UBE4B: variants seen among roughly 807,000 people sequenced by gnomAD.
The protein encoded by UBE4B is ubiquitin conjugation factor E4 B.
In UBE4B, 27 loss-of-function variants were observed where a neutral mutation model predicts 148.1. The ratio of observed to expected loss-of-function variants is 0.18; its 90% CI spans 0.13 to 0.25. The LOEUF (loss-of-function observed/expected upper bound fraction) is 0.25, where lower values mean the gene tolerates loss of function less well. Ranked by LOEUF, UBE4B falls within the 10% of genes least tolerant of loss-of-function variation. The pLI is 1.00. For missense variants in UBE4B, 1,170 were observed against 1,662.4 expected (o/e 0.70, Z 5.15); for synonymous variants, 596 against 619.3 (o/e 0.96, Z 0.56).
chr1:10,061,753 C>T (rs1219310116), intron 1 of UBE4B, among the ~76,000 whole-genome samples: 1 of 152,104 alleles, frequency 6.6e-6, no homozygotes, highest in Non-Finnish European at 1.5e-5. Flanking sequence ...AAAGCTGATG[C>T]TTGGATCTCT....
Position 10,106,310 on chromosome 1 carries a change from C to A in UBE4B, c.923C>A (p.Thr308Asn). The change falls in exon 7 of 28, where the codon ACT becomes AAT. Residue 308 changes from threonine (T) to asparagine (N), a missense_variant. Thr to Asn is a moderately conservative substitution (Grantham distance 65). Transcript: ENST00000343090. This position sits in a 1 kb window ranked among gnomAD's most constrained non-coding sequence, Gnocchi z 4.2. ...RAASQLAVPS[T>N]PLSPHSAASG... Reference sequence around the variant, plus strand: ...GCCAGCCAGTTGGCTGTGCCTTCCACTCCCCTCAGTCCTCACAGTGCAGCC... The same window carrying A: ...GCCAGCCAGTTGGCTGTGCCTTCCAATCCCCTCAGTCCTCACAGTGCAGCC... The A allele has an allele frequency of 6.2e-7, 1 of 1,614,196 alleles. No homozygotes were observed. The highest frequency in any genetic ancestry group is 1.3e-5 in the African/African-American group (1 of 75,046).
chr1:10,088,153 A>C (rs1644791800), intron 2 of UBE4B, among the ~76,000 whole-genome samples: 1 of 152,064 alleles, frequency 6.6e-6, no homozygotes, highest in Non-Finnish European at 1.5e-5. Context: ...CCAGCCCTAG[A>C]AATCAGCCAG....
At chr1:10,053,466 A>AT (rs1644094614) in intron 1 of UBE4B, among the ~76,000 whole-genome samples, 1 of 135,202 alleles carries the variant, frequency 7.4e-6, no homozygotes, top group Non-Finnish European at 1.6e-5. Flanking sequence ...TTTTTATTTA[A>AT]TTTTTTTGAG....
At chr1:10,177,569 T>C (rs1429814870) in intron 25 of UBE4B, among the ~76,000 whole-genome samples, 1 of 152,104 alleles carries the variant, frequency 6.6e-6, no homozygotes, top group Non-Finnish European at 1.5e-5. Flanking sequence ...GGTGAGAGGA[T>C]TGCTTGAGCC....
intron 24 of UBE4B, among the ~76,000 whole-genome samples, chr1:10,170,644 G>C (rs1646325178): frequency 6.6e-6 from 1 of 152,144 alleles, no homozygotes; most frequent in Admixed American, 6.6e-5. Flanking sequence ...TTCTTTCCTT[G>C]CATTACTTTG....
intron 1 of UBE4B, among the ~76,000 whole-genome samples, chr1:10,034,537 C>T (rs1643429508): frequency 6.6e-6 from 1 of 152,010 alleles, no homozygotes; most frequent in South Asian, 2.1e-4. Flanking sequence ...TCCTATGATT[C>T]TACTGCCTTT....
intron 8 of UBE4B, among the ~76,000 whole-genome samples, chr1:10,117,888 A>G (rs956582629): frequency 6.6e-6 from 1 of 152,220 alleles, no homozygotes; most frequent in East Asian, 1.9e-4. Context: ...CCAGTGACTC[A>G]TATGGCCCTG....
chr1:10,089,446 T>G (rs1373452150), intron 2 of UBE4B, among the ~76,000 whole-genome samples: 1 of 151,854 alleles, frequency 6.6e-6, no homozygotes, highest in Admixed American at 6.6e-5. Flanking sequence ...CCAGGCTGCC[T>G]TGAACTATCA....
chr1:10,122,312 C>T (rs1226139862), intron 10 of UBE4B, among the ~76,000 whole-genome samples: 1 of 152,128 alleles, frequency 6.6e-6, no homozygotes. Flanking sequence ...GCACTAGGTG[C>T]TTCGGGCAAT....
At chr1:10,052,688 G>T (rs1304967694) in intron 1 of UBE4B, among the ~76,000 whole-genome samples, 1 of 152,170 alleles carries the variant, frequency 6.6e-6, no homozygotes, top group Non-Finnish European at 1.5e-5. Context: ...TTGTCATGGG[G>T]CCCTGAACAT....
intron 2 of UBE4B, among the ~76,000 whole-genome samples, chr1:10,077,238 T>C (rs534835440): frequency 6.6e-6 from 1 of 152,326 alleles, no homozygotes; most frequent in African/African-American, 2.4e-5. Flanking sequence ...TGCCTTCCGA[T>C]AGTTGCTGGC....
chr1:10,142,150 C>T (rs997419104), intron 17 of UBE4B, among the ~76,000 whole-genome samples: 1 of 152,086 alleles, frequency 6.6e-6, no homozygotes, highest in South Asian at 2.1e-4. Flanking sequence ...TACTCAGAGC[C>T]TTGGGCTACC....
intron 25 of UBE4B, among the ~76,000 whole-genome samples, chr1:10,173,288 C>G (rs1441631197): frequency 2.0e-5 from 3 of 151,978 alleles, no homozygotes; most frequent in Non-Finnish European, 4.4e-5. Flanking sequence ...ACCATCCTGG[C>G]TAACACGGTG....
Position 10,161,020 on chromosome 1 carries a change from G to A in UBE4B, c.3054-122G>A, listed in dbSNP as rs534196759. 2 of 1,062,856 alleles carry A rather than the reference G, an allele frequency of 1.9e-6. No homozygotes were observed. The highest frequency in any genetic ancestry group is 4.9e-5 in the East Asian group (2 of 40,982). The allele number at this position is 1,062,856 out of a possible 1,614,324, so 65.8% of individuals were successfully genotyped here. A position where few individuals can be genotyped will look rare whatever the true frequency, so the allele number is the denominator to read the frequency against. ...TCCATAGTGCCTGACTTGTGCCAGG[G>A]TAGCCAGGCTTTTAGGGTGAGATAG... is the stretch of plus-strand genomic sequence containing the variant. On this transcript the variant is annotated intron_variant, in intron 22 of 27. Coordinates refer to ENST00000343090, the MANE Select transcript of UBE4B (RefSeq NM_001105562.3). This position sits in a 1 kb window ranked among gnomAD's most constrained non-coding sequence, Gnocchi z 4.1.
At chr1:10,087,141 T>C (rs961523748) in intron 2 of UBE4B, among the ~76,000 whole-genome samples, 1 of 152,178 alleles carries the variant, frequency 6.6e-6, no homozygotes, top group Non-Finnish European at 1.5e-5. Flanking sequence ...CACGTTCACA[T>C]TGGTTTTTTT....
intron 20 of UBE4B, among the ~76,000 whole-genome samples, chr1:10,150,888 G>T (rs949955820): frequency 6.8e-6 from 1 of 147,422 alleles, no homozygotes; most frequent in Non-Finnish European, 1.5e-5. Context: ...TAGGCTGGGC[G>T]CAGTGGCTCA....
chr1:10,133,343 G>A (rs182121880), intron 15 of UBE4B, among the ~76,000 whole-genome samples: 6 of 152,308 alleles, frequency 3.9e-5, no homozygotes, highest in Non-Finnish European at 8.8e-5. Context: ...ACTCCTCTGT[G>A]CCTCCATTTC....
At chr1:10,167,743 C>T (rs1324766253) in intron 23 of UBE4B, among the ~76,000 whole-genome samples, 1 of 151,960 alleles carries the variant, frequency 6.6e-6, no homozygotes, top group Non-Finnish European at 1.5e-5. Context: ...CAGCCACGCA[C>T]CACCACCCCC....
chr1:10,095,643 A>G, intron 3 of UBE4B, 47 bp downstream of exon 3: 2 of 1,610,618 alleles, frequency 1.2e-6, no homozygotes, highest in Non-Finnish European at 8.5e-7. Flanking sequence ...TTAGGGAAAG[A>G]GAAAGATCCA....
Sources: gnomAD v4.1 joint callset for allele counts (sites outside exome capture counted in the v4.1 genomes callset) on GRCh38, gnomAD v4.1.1 for gene constraint, Gnocchi (gnomAD v3.1) non-coding constraint, MANE v1.5 for transcripts, NCBI Gene and HGNC (gene_info 2026-07-23, HGNC 2026-07-21) for gene names.